DMXL2: variants seen among roughly 807,000 people sequenced by gnomAD.
The protein encoded by DMXL2 is Dmx like 2.
In DMXL2, 103 loss-of-function variants were observed where a neutral mutation model predicts 331.1. The observed-to-expected ratio is 0.31, with a 90% CI of 0.27 to 0.37. The LOEUF (loss-of-function observed/expected upper bound fraction) is 0.37. Among genes scored for constraint, DMXL2 ranks in the 10% least tolerant of loss-of-function variants. The pLI is 1.00. For missense variants in DMXL2, 3,171 were observed against 3,642.9 expected (o/e 0.87, Z 3.33); for synonymous variants, 1,281 against 1,252.1 (o/e 1.02, Z -0.49).
chr15:51,597,618 C>T (rs1445388903), intron 1 of DMXL2, among the ~76,000 whole-genome samples: 1 of 152,176 alleles, frequency 6.6e-6, no homozygotes, highest in Non-Finnish European at 1.5e-5. Flanking sequence ...GTAGGGAAAT[C>T]TCGCATACGT....
In DMXL2 at chr15:51,622,729, T is replaced by G. The variant is rs911537656; in HGVS notation, c.-184A>C. On this transcript the variant is annotated 5_prime_UTR_variant, in exon 1 of 44. Transcript: ENST00000560891. ...GCCTCGTCCCTGCCATGGGAGCTCC[T>G]CGACCGCCGCCGCCGCCCGGGTCGC... The G allele has an allele frequency of 5.8e-6, 7 of 1,205,488 alleles. No homozygotes were observed. The highest frequency in any genetic ancestry group is 6.7e-6 in the Non-Finnish European group (6 of 900,226). The allele number at this position is 1,205,488 out of a possible 1,614,324, so 74.7% of individuals were successfully genotyped here. A position where few individuals can be genotyped will look rare whatever the true frequency, so the allele number is the denominator to read the frequency against.
In DMXL2 at chr15:51,564,243, C is replaced by T; in HGVS notation, c.382G>A (p.Ala128Thr). 1 of 1,586,772 alleles carries T rather than the reference C, an allele frequency of 6.3e-7. No individual in the cohort carries two copies. The highest frequency in any genetic ancestry group is 8.5e-7 in the Non-Finnish European group (1 of 1,170,952). ...GCCCACAACTGAATAGAATCAGTTG[C>T]TGTCAACAATCTATTATCTGAAAAT... ...WDPQDNRLLTATDSIQLWAPP... is the reference protein window; with the variant it reads ...WDPQDNRLLTTTDSIQLWAPP... Residue 128 changes from alanine (A) to threonine (T), a missense_variant, in exon 5 of 44, where the codon GCA (alanine) becomes ACA (threonine). Ala to Thr is a moderately conservative substitution (Grantham distance 58, BLOSUM62 0). Around this residue, in one of 7 missense-constraint regions of DMXL2, gnomAD observed 1,674 missense variants for 1,780.2 expected, o/e 0.94. Transcript: ENST00000560891.
At chr15:51,571,953 A>C (rs918056726) in intron 2 of DMXL2, among the ~76,000 whole-genome samples, 1 of 152,236 alleles carries the variant, frequency 6.6e-6, no homozygotes, top group Non-Finnish European at 1.5e-5. Flanking sequence ...GAACTGAAGG[A>C]GATGGAAACA....
chr15:51,527,465 A>C (rs1328236662), intron 13 of DMXL2, among the ~76,000 whole-genome samples: 1 of 152,206 alleles, frequency 6.6e-6, no homozygotes, highest in Admixed American at 6.5e-5. Context: ...GTGGTGGCTC[A>C]TGCCTGTAAT....
At chr15:51,585,549 G>A (rs1389654167) in intron 1 of DMXL2, among the ~76,000 whole-genome samples, 2 of 151,982 alleles carry the variant, frequency 1.3e-5, no homozygotes, top group East Asian at 1.9e-4. Flanking sequence ...GATGATATAT[G>A]CGTATGTGTC....
intron 1 of DMXL2, among the ~76,000 whole-genome samples, chr15:51,610,651 C>G (rs1043708195): frequency 1.3e-5 from 2 of 151,964 alleles, no homozygotes; most frequent in African/African-American, 4.8e-5. Context: ...GCCTGTAGTC[C>G]CAGCTACTTG....
chr15:51,534,341 G>A (rs2048167100), intron 13 of DMXL2, among the ~76,000 whole-genome samples: 1 of 152,152 alleles, frequency 6.6e-6, no homozygotes, highest in African/African-American at 2.4e-5. Flanking sequence ...AGGTAGTAAG[G>A]TTCACAGGTT....
chr15:51,564,994 T>C (rs2050181340), intron 4 of DMXL2, 94 bp downstream of exon 4: 1 of 732,064 alleles, frequency 1.4e-6, no homozygotes, highest in South Asian at 3.7e-5. Flanking sequence ...AATACATTGA[T>C]CATTTTCTTA....
In DMXL2 at chr15:51,564,255, T is replaced by C; in HGVS notation, c.370A>G (p.Arg124Gly). 2 of 1,576,342 alleles carry C rather than the reference T, an allele frequency of 1.3e-6. No individual in the cohort carries two copies. Among genetic ancestry groups the C allele is most frequent in the Non-Finnish European group, 1.7e-6 (2 of 1,167,648 alleles). The change falls in exon 5 of 44, where the codon AGA becomes GGA. Residue 124 changes from arginine to glycine, a missense_variant. Arg to Gly is a moderately radical substitution (Grantham distance 125). Transcript: ENST00000560891. ...ATAGAATCAGTTGCTGTCAACAATC[T>C]ATTATCTGAAAATTAAAGAATGTTA... ...YNLAWDPQDN[R>G]LLTATDSIQL...
chr15:51,526,602 A>G (rs1009864059), intron 13 of DMXL2, among the ~76,000 whole-genome samples: 30 of 152,372 alleles, frequency 2.0e-4, no homozygotes, highest in African/African-American at 6.3e-4. Context: ...TGTGACCTCC[A>G]GACAGAGAAT....
intron 24 of DMXL2, 25 bp from the exon 25 acceptor site, chr15:51,480,164 T>C (rs751344510): frequency 1.3e-6 from 2 of 1,486,630 alleles, no homozygotes; most frequent in South Asian, 1.4e-5. Flanking sequence ...GAATTATTTT[T>C]TTCAAAGTAG....
chr15:51,507,042 G>T, intron 16 of DMXL2, 92 bp downstream of exon 16: 1 of 1,019,994 alleles, frequency 9.8e-7, no homozygotes, highest in Non-Finnish European at 1.3e-6. Flanking sequence ...CAGTTTAATG[G>T]AACTTCATTT....
chr15:51,573,769 C>T (rs1275724109), intron 2 of DMXL2, among the ~76,000 whole-genome samples: 1 of 152,152 alleles, frequency 6.6e-6, no homozygotes, highest in South Asian at 2.1e-4. Flanking sequence ...GTGCAGCAAA[C>T]CACCATGGCA....
intron 7 of DMXL2, 125 bp from the exon 8 acceptor site, chr15:51,545,891 CA>C: frequency 1.4e-6 from 1 of 714,862 alleles, no homozygotes; most frequent in African/African-American, 1.8e-5. Flanking sequence ...AGGAATCAAT[CA>C]AAGAGCTTGA....
At chr15:51,574,044 A>C (rs1242605963) in intron 2 of DMXL2, among the ~76,000 whole-genome samples, 13 of 152,160 alleles carry the variant, frequency 8.5e-5, no homozygotes. Context: ...AAAATGGCCT[A>C]ATTATACCAT....
intron 6 of DMXL2, among the ~76,000 whole-genome samples, chr15:51,549,887 A>C (rs2049107891): frequency 6.6e-6 from 1 of 152,114 alleles, no homozygotes; most frequent in Non-Finnish European, 1.5e-5. Context: ...TAGATCATGA[A>C]GATTTTCTCC....
At chr15:51,542,654 C>T (rs1188450172) in intron 8 of DMXL2, 147 bp from the exon 9 acceptor site, 2 of 597,612 alleles carry the variant, frequency 3.3e-6, no homozygotes, top group African/African-American at 3.7e-5. Context: ...TACAGTAGAA[C>T]TATTTTGGAT....
In DMXL2 at chr15:51,459,921, T is replaced by C. The variant is rs2039973319; in HGVS notation, c.7927-261A>G. 3.6e-6 allele frequency: 4 copies of C among 1,107,526 alleles called. No individual in the cohort carries two copies. The South Asian group carries it at 6.8e-5, about 19-fold the overall frequency. 68.6% of individuals were successfully genotyped at this position (1,107,526 alleles called of 1,614,324 possible). On this transcript the variant is annotated intron_variant, in intron 33 of 43. Transcript: ENST00000560891. ...TCAAAATAAAAATTAGTTATCTGTA[T>C]ACAGTTTTAAGAAATCTAAGTTACA... is the stretch of plus-strand genomic sequence containing the variant.
Position 51,499,167 on chromosome 15 carries a change from A to T in DMXL2, c.4057T>A (p.Leu1353Ile). Residue 1353 changes from leucine (L) to isoleucine (I), a missense_variant, in exon 18 of 44, where the codon TTA (leucine) becomes ATA (isoleucine). By Grantham distance (5) the Leu-to-Ile change is conservative. Transcript: ENST00000560891. ...ACTTTCCCTAAATCCATCAATTCTA[A>T]CAGCTGAGTTGGATGATATTGTGGA... Reference protein sequence around the residue: ...TLPQYHPTQLLELMDLGKVRR... With the variant: ...TLPQYHPTQLIELMDLGKVRR... 6.2e-7 allele frequency: 1 copy of T among 1,614,046 alleles called. No individual in the cohort carries two copies. The highest frequency in any genetic ancestry group is 8.5e-7 in the Non-Finnish European group (1 of 1,179,970).
Sources: gnomAD v4.1 joint callset for allele counts (sites outside exome capture counted in the v4.1 genomes callset) on GRCh38, gnomAD v4.1.1 for gene constraint, gnomAD v4.1.1 regional missense constraint, MANE v1.5 for transcripts, NCBI Gene and HGNC (gene_info 2026-07-23, HGNC 2026-07-21) for gene names.